The following ESR1 variants were observed in gnomAD, a reference collection of about 807,000 sequenced individuals.
ESR1 encodes the protein estrogen receptor.
ESR1 carries 12 observed loss-of-function variants against 52.7 expected under a neutral mutation model. That is an observed-to-expected ratio of 0.23 (90% CI 0.15 to 0.37). The LOEUF is 0.37. Ranked by LOEUF, ESR1 falls within the 10% of genes least tolerant of loss-of-function variation. ESR1 has a pLI of 1.00. For missense variants in ESR1, 584 were observed against 779.7 expected (o/e 0.75, Z 2.99); for synonymous variants, 305 against 316.8 (o/e 0.96, Z 0.39).
intron 3 of ESR1, among the ~76,000 whole-genome samples, chr6:151,911,234 C>G (rs182774676): frequency 2.0e-5 from 3 of 152,050 alleles, no homozygotes; most frequent in Non-Finnish European, 4.4e-5. Flanking sequence ...CTAATAGAGA[C>G]GTATAACTTA....
intron 1 of ESR1, among the ~76,000 whole-genome samples, chr6:151,683,665 G>T (rs1778539660): frequency 6.6e-6 from 1 of 151,712 alleles, no homozygotes; most frequent in South Asian, 2.1e-4. Flanking sequence ...GTAAATGTGT[G>T]AATTCTGATT....
intron 2 of ESR1, among the ~76,000 whole-genome samples, chr6:151,729,359 C>A (rs927097459): frequency 6.6e-6 from 1 of 152,162 alleles, no homozygotes; most frequent in African/African-American, 2.4e-5. Context: ...TATAAGCCAC[C>A]TAGTCTATAG....
intron 2 of ESR1, among the ~76,000 whole-genome samples, chr6:151,865,854 T>G (rs1413809296): frequency 6.6e-6 from 1 of 152,206 alleles, no homozygotes; most frequent in Non-Finnish European, 1.5e-5. Context: ...CGGGCTCTCT[T>G]TTCTCATCAG....
In ESR1 at chr6:152,102,771, T is replaced by G. The variant is rs2051000374; in HGVS notation, c.*3805T>G. On this transcript the variant is annotated 3_prime_UTR_variant, in exon 8 of 8. Coordinates refer to ENST00000206249, the MANE Select transcript of ESR1 (RefSeq NM_000125.4). ...GAGATTCAAGAAAAATTTCTATTCT[T>G]TTTTTTGCATCCAATTGTGCCTGAA... The G allele has an allele frequency of 9.1e-6, 2 of 220,154 alleles. No individual in the cohort carries two copies. The highest frequency in any genetic ancestry group is 1.9e-4 in the South Asian group (1 of 5,398). 13.6% of individuals were successfully genotyped at this position (220,154 alleles called of 1,614,324 possible).
At chr6:152,014,982 G>A (rs1023665833) in intron 5 of ESR1, among the ~76,000 whole-genome samples, 3 of 152,078 alleles carry the variant, frequency 2.0e-5, no homozygotes, top group East Asian at 1.9e-4. Flanking sequence ...CAGGAGAATC[G>A]CTTGAACATG....
intron 5 of ESR1, among the ~76,000 whole-genome samples, chr6:152,030,910 TAAAA>T (rs1480249810): frequency 2.0e-5 from 3 of 152,076 alleles, no homozygotes; most frequent in African/African-American, 7.2e-5. Flanking sequence ...TCAGCAAATG[TAAAA>T]GAACAGAAAT....
intron 4 of ESR1, among the ~76,000 whole-genome samples, chr6:151,985,526 A>AC (rs2040390423): frequency 2.9e-5 from 4 of 139,686 alleles, no homozygotes; most frequent in South Asian, 2.3e-4. Context: ...AAAAAAAAAA[A>AC]AAAAAAACAC....
intron 1 of ESR1, among the ~76,000 whole-genome samples, chr6:151,657,886 T>C (rs1742091293): frequency 6.6e-6 from 1 of 151,618 alleles, no homozygotes; most frequent in Admixed American, 6.6e-5. Context: ...CTAGTGAGGT[T>C]CTGGCAAAAA....
At chr6:151,888,161 G>A (rs1794165262) in intron 3 of ESR1, among the ~76,000 whole-genome samples, 2 of 151,816 alleles carry the variant, frequency 1.3e-5, no homozygotes, top group Non-Finnish European at 1.5e-5. Flanking sequence ...TTTTTTTGTG[G>A]TTCCATACAA....
intron 1 of ESR1, among the ~76,000 whole-genome samples, chr6:151,672,753 G>C (rs572816448): frequency 2.1e-5 from 3 of 145,788 alleles, no homozygotes; most frequent in Non-Finnish European, 4.5e-5. Context: ...GATTACAGGC[G>C]TGAGCCACCA....
intron 4 of ESR1, among the ~76,000 whole-genome samples, chr6:152,007,048 C>A (rs968733431): frequency 1.3e-5 from 2 of 151,964 alleles, no homozygotes; most frequent in African/African-American, 4.8e-5. Flanking sequence ...TCTTTTACTC[C>A]AAGGTAGTGT....
chr6:151,833,028 T>G (rs1782704765), intron 1 of ESR1, among the ~76,000 whole-genome samples: 1 of 152,180 alleles, frequency 6.6e-6, no homozygotes, highest in African/African-American at 2.4e-5. Flanking sequence ...ACATGCAGAT[T>G]CTGATGAGAA....
intron 1 of ESR1, among the ~76,000 whole-genome samples, chr6:151,664,747 C>T (rs1386665643): frequency 6.6e-6 from 1 of 152,156 alleles, no homozygotes; most frequent in Non-Finnish European, 1.5e-5. Flanking sequence ...TTCTTTTTCA[C>T]ACTAAACAGC....
intron 4 of ESR1, among the ~76,000 whole-genome samples, chr6:151,949,697 C>T (rs1319316385): frequency 6.6e-6 from 1 of 152,218 alleles, no homozygotes; most frequent in African/African-American, 2.4e-5. Flanking sequence ...GTCACCCCAC[C>T]CAGCTTTCTA....
chr6:151,739,734 T>C (rs1238006162), intron 2 of ESR1, among the ~76,000 whole-genome samples: 2 of 152,262 alleles, frequency 1.3e-5, no homozygotes, highest in Admixed American at 1.3e-4. Flanking sequence ...TTGGCCCCAT[T>C]GTGTATGCTC....
At chr6:152,078,027 A>T (rs1375484947) in intron 6 of ESR1, among the ~76,000 whole-genome samples, 4 of 152,022 alleles carry the variant, frequency 2.6e-5, no homozygotes, top group Non-Finnish European at 5.9e-5. Flanking sequence ...CCAGGGGTGG[A>T]ATGTTATGGT....
At chr6:151,859,815 A>G (rs1788548353) in intron 2 of ESR1, among the ~76,000 whole-genome samples, 1 of 152,156 alleles carries the variant, frequency 6.6e-6, no homozygotes, top group South Asian at 2.1e-4. Flanking sequence ...CTGTGAAATC[A>G]TTGTGAGCCA....
At chr6:152,077,607 A>C (rs570605312) in intron 6 of ESR1, among the ~76,000 whole-genome samples, 3 of 152,232 alleles carry the variant, frequency 2.0e-5, no homozygotes, top group Non-Finnish European at 4.4e-5. Flanking sequence ...GGTGGTGGCT[A>C]TACCCTATAA....
At chr6:151,883,850 G>C (rs192163150) in intron 3 of ESR1, among the ~76,000 whole-genome samples, 1 of 152,184 alleles carries the variant, frequency 6.6e-6, no homozygotes, top group East Asian at 1.9e-4. Context: ...GCCTTTTCTC[G>C]GGGCATCCAC....
Sources: allele counts gnomAD v4.1 joint callset (sites outside exome capture counted in the v4.1 genomes callset), GRCh38; gene constraint gnomAD v4.1.1; transcripts MANE v1.5; gene names NCBI Gene and HGNC (gene_info 2026-07-23, HGNC 2026-07-21).